KCNK2: variants seen among roughly 807,000 people sequenced by gnomAD.
KCNK2 encodes the protein potassium channel subfamily K member 2.
A neutral mutation model predicts 40.5 loss-of-function variants in KCNK2; 21 were observed. That is an observed-to-expected ratio of 0.52 (90% CI 0.37 to 0.75). The LOEUF is 0.75. Among genes scored for constraint, KCNK2 ranks in the 30% least tolerant of loss-of-function variants. The probability of loss-of-function intolerance (pLI) is 0.00; values close to 1 mark genes in which losing one functional copy is unlikely to be tolerated. For missense variants in KCNK2, 399 were observed against 531.6 expected, an observed-to-expected ratio of 0.75 and a Z score of 2.45; for synonymous variants, 191 against 202.2, an observed-to-expected ratio of 0.94 and a Z score of 0.47.
At chr1:215,200,572 A>G (rs1665042500) in intron 6 of KCNK2, among the ~76,000 whole-genome samples, 1 of 152,072 alleles carries the variant, frequency 6.6e-6, no homozygotes, top group South Asian at 2.1e-4. Context: ...ATTTTAAGTA[A>G]GTGGAATGAA....
chr1:215,032,430 AC>A, intron 1 of KCNK2, among the ~76,000 whole-genome samples: 1 of 152,082 alleles, frequency 6.6e-6, no homozygotes, highest in Non-Finnish European at 1.5e-5. Flanking sequence ...AAAACAAAAA[AC>A]AGTAAACTTT....
At position 215,083,379 on chromosome 1, in the gene KCNK2, A is replaced by G. The variant is rs1659266791; in HGVS notation, c.-7A>G. ...TTTCAAAAAACATTTTGAATGCTGC[A>G]TGCCTCATGCTTCCCAGCGCCTCGC... On this transcript the variant is annotated 5_prime_UTR_variant, in exon 1 of 7. The change abolishes an upstream ATG in the 5' untranslated region. Transcript: ENST00000444842. The G allele has an allele frequency of 6.2e-7, 1 of 1,614,104 alleles. No individual in the cohort carries two copies. The highest frequency in any genetic ancestry group is 1.1e-5 in the South Asian group (1 of 91,084).
At chr1:215,218,465 C>G (rs550602222) in intron 6 of KCNK2, among the ~76,000 whole-genome samples, 1 of 152,190 alleles carries the variant, frequency 6.6e-6, no homozygotes, top group Admixed American at 6.5e-5. Context: ...AATATCACCC[C>G]GCATTCATCC....
At chr1:215,142,618 A>C (rs1403642407) in intron 3 of KCNK2, among the ~76,000 whole-genome samples, 2 of 152,136 alleles carry the variant, frequency 1.3e-5, no homozygotes, top group Non-Finnish European at 2.9e-5. Context: ...CAGACAGTGA[A>C]GTTGGAGCCT....
chr1:215,158,133 G>A (rs959477451), intron 3 of KCNK2, among the ~76,000 whole-genome samples: 5 of 152,174 alleles, frequency 3.3e-5, no homozygotes, highest in African/African-American at 1.2e-4. Flanking sequence ...GACAAGTGAA[G>A]CAGAGAATGT....
At chr1:215,096,162 C>T (rs1054248698) in intron 2 of KCNK2, among the ~76,000 whole-genome samples, 1 of 151,780 alleles carries the variant, frequency 6.6e-6, no homozygotes, top group Admixed American at 6.6e-5. Context: ...GCAAACCTCT[C>T]TTTAGACCTA....
chr1:215,031,399 C>A (rs1657183663), intron 1 of KCNK2, among the ~76,000 whole-genome samples: 2 of 152,160 alleles, frequency 1.3e-5, no homozygotes, highest in South Asian at 4.1e-4. Context: ...TGATTTCTTT[C>A]ATGAGTTTTG....
At chr1:215,103,896 T>C (rs1487744300) in intron 2 of KCNK2, among the ~76,000 whole-genome samples, 3 of 152,054 alleles carry the variant, frequency 2.0e-5, no homozygotes, top group Non-Finnish European at 4.4e-5. Flanking sequence ...ATTAAATTGC[T>C]TCAGATAAGC....
intron 3 of KCNK2, among the ~76,000 whole-genome samples, chr1:215,140,871 T>C (rs1008687738): frequency 3.3e-5 from 5 of 152,222 alleles, no homozygotes; most frequent in African/African-American, 4.8e-5. Context: ...TTTATAAACT[T>C]TTTAATGTTT....
intron 2 of KCNK2, among the ~76,000 whole-genome samples, chr1:215,103,182 G>A (rs1660296667): frequency 6.6e-6 from 1 of 151,860 alleles, no homozygotes; most frequent in African/African-American, 2.4e-5. Flanking sequence ...TATAGGGAGA[G>A]AGGAGATGGC....
intron 5 of KCNK2, among the ~76,000 whole-genome samples, chr1:215,186,224 C>T (rs1490839715): frequency 2.6e-5 from 4 of 152,064 alleles, no homozygotes; most frequent in Admixed American, 6.6e-5. Flanking sequence ...GCCTGGGCAA[C>T]ATAGTGAGAC....
chr1:215,195,185 A>C (rs1384087569), intron 6 of KCNK2, 93 bp downstream of exon 6: 2 of 1,013,548 alleles, frequency 2.0e-6, no homozygotes, highest in Non-Finnish European at 2.8e-6. Context: ...AAAATATTTA[A>C]ACATTTTAAA....
intron 2 of KCNK2, among the ~76,000 whole-genome samples, chr1:215,123,096 G>A (rs1280066425): frequency 1.3e-5 from 2 of 151,774 alleles, no homozygotes; most frequent in Non-Finnish European, 2.9e-5. Flanking sequence ...AATCTCTCCT[G>A]GGGAAATGTT....
chr1:215,215,464 C>A (rs1282451037), intron 6 of KCNK2, among the ~76,000 whole-genome samples: 1 of 152,078 alleles, frequency 6.6e-6, no homozygotes, highest in Non-Finnish European at 1.5e-5. Flanking sequence ...AAAGTGATAT[C>A]ATAAGTGCTA....
intron 3 of KCNK2, among the ~76,000 whole-genome samples, chr1:215,162,084 A>C (rs1663225348): frequency 6.6e-6 from 1 of 151,874 alleles, no homozygotes; most frequent in Non-Finnish European, 1.5e-5. Flanking sequence ...CCTCTCCAGC[A>C]TCTGTTTCCT....
At chr1:215,207,533 G>T (rs928443243) in intron 6 of KCNK2, among the ~76,000 whole-genome samples, 1 of 152,178 alleles carries the variant, frequency 6.6e-6, no homozygotes, top group Non-Finnish European at 1.5e-5. Flanking sequence ...CATTTGAATT[G>T]TTTCCTTATG....
At chr1:215,212,893 A>C (rs1327214010) in intron 6 of KCNK2, among the ~76,000 whole-genome samples, 1 of 152,206 alleles carries the variant, frequency 6.6e-6, no homozygotes, top group Admixed American at 6.5e-5. Flanking sequence ...TCTCCCTTTG[A>C]CAGTGTTTCA....
chr1:215,121,279 C>T (rs1208206927), intron 2 of KCNK2, among the ~76,000 whole-genome samples: 1 of 152,024 alleles, frequency 6.6e-6, no homozygotes, highest in East Asian at 1.9e-4. Flanking sequence ...TTGTTAAGAT[C>T]CAAGTTATTT....
At chr1:215,047,267 C>T (rs1657810176) in intron 1 of KCNK2, among the ~76,000 whole-genome samples, 1 of 152,060 alleles carries the variant, frequency 6.6e-6, no homozygotes, top group Admixed American at 6.6e-5. Flanking sequence ...TGAATACTTG[C>T]CATGTGGCCA....
Sources: gnomAD v4.1 joint callset for allele counts (sites outside exome capture counted in the v4.1 genomes callset) on GRCh38, gnomAD v4.1.1 for gene constraint, MANE v1.5 for transcripts, NCBI Gene and HGNC (gene_info 2026-07-23, HGNC 2026-07-21) for gene names.